Variants in LRP2 observed in about 807,000 individuals in gnomAD.
LRP2 encodes the protein LDL receptor related protein 2.
LRP2 carries 172 observed loss-of-function variants against 531.0 expected under a neutral mutation model. The ratio of observed to expected loss-of-function variants is 0.32; its 90% CI spans 0.29 to 0.37. The LOEUF is 0.37. Among genes scored for constraint, LRP2 ranks in the 10% least tolerant of loss-of-function variants. LRP2 has a pLI of 1.00. For synonymous variants in LRP2, 1,992 were observed against 2,027.6 expected (o/e 0.98, Z 0.47); for missense variants, 5,167 against 5,868.3 (o/e 0.88, Z 3.90).
Position 169,206,751 on chromosome 2 carries a change from T to C in LRP2, c.6969A>G (p.Leu2323=). 6.2e-7 allele frequency: 1 copy of C among 1,614,184 alleles called. No individual in the cohort carries two copies. The highest frequency in any genetic ancestry group is 8.5e-7 in the Non-Finnish European group (1 of 1,180,016). ...PTVIRDNINW[L]RDVTIFDKQV... is the part of the protein sequence containing the mutation. Reference sequence around the variant, plus strand: ...GCTTGTCAAAGATGGTCACATCTCTTAGCCAGTTGATATTGTCTCTTATCA... The same window carrying C: ...GCTTGTCAAAGATGGTCACATCTCTCAGCCAGTTGATATTGTCTCTTATCA... Residue 2323 remains leucine (L), a synonymous_variant, in exon 39 of 79, where the codon CTA becomes CTG. Transcript: ENST00000649046.
At chr2:169,197,523 G>A (rs1688045763) in intron 45 of LRP2, among the ~76,000 whole-genome samples, 1 of 152,338 alleles carries the variant, frequency 6.6e-6, no homozygotes, top group East Asian at 1.9e-4. Context: ...CAGACTTTTA[G>A]TTGAGTAAGT....
At chr2:169,310,810 G>C (rs55953106) in intron 3 of LRP2, among the ~76,000 whole-genome samples, 1 of 151,978 alleles carries the variant, frequency 6.6e-6, no homozygotes, top group African/African-American at 2.4e-5. Flanking sequence ...GGTAGAATTC[G>C]GCTGTGAATC....
intron 58 of LRP2, 91 bp from the exon 59 acceptor site, chr2:169,170,758 AGCAC>A: frequency 1.1e-6 from 1 of 890,890 alleles, no homozygotes; most frequent in Non-Finnish European, 1.9e-6. Context: ...CTGGGTGCCC[AGCAC>A]CCTCCTGTGT....
In LRP2 at chr2:169,235,844, T is replaced by C; in HGVS notation, c.4916A>G (p.Asp1639Gly). The change falls in exon 29 of 79, where the codon GAT becomes GGT. Residue 1639 changes from aspartate to glycine, a missense_variant. By Grantham distance (94) the Asp-to-Gly change is moderately conservative. Around this residue, in one of 6 missense-constraint regions of LRP2, gnomAD observed 2,811 missense variants for 3,058.0 expected, o/e 0.92. Coordinates refer to ENST00000649046, the MANE Select transcript of LRP2 (RefSeq NM_004525.3). ...GHHRRQVIAS[D>G]LIIRHPYALT... ...TTTTCCTCACCACCAACTTACCAAA[T>C]CACTGGCTATCACCTGTCTCCGATG... 1 of 1,613,456 alleles carries C rather than the reference T, an allele frequency of 6.2e-7. No homozygotes were observed. The highest frequency in any genetic ancestry group is 8.5e-7 in the Non-Finnish European group (1 of 1,179,404).
rs983302620 is a variant in LRP2 at position 169,273,051 on chromosome 2, T to A, written c.1992A>T (p.Lys664Asn). 6.2e-7 allele frequency: 1 copy of A among 1,613,624 alleles called. No homozygotes were observed. Among genetic ancestry groups the A allele is most frequent in the Middle Eastern group, 1.7e-4 (1 of 6,052 alleles). ...LRQPYATNPCKDNNGGCEQVC... is the reference protein window; with the variant it reads ...LRQPYATNPCNDNNGGCEQVC... Reference sequence around the variant, plus strand: ...CCTGCTCACAGCCCCCATTGTTATCTTTACACGGATTGGTAGCTGGAAGGA... The same window carrying A: ...CCTGCTCACAGCCCCCATTGTTATCATTACACGGATTGGTAGCTGGAAGGA... Residue 664 changes from lysine (K) to asparagine (N), a missense_variant, in exon 15 of 79, where the codon AAA becomes AAT. Physicochemically the swap from Lys to Asn is moderately conservative, Grantham distance 94 (BLOSUM62 0). Around this residue, in one of 6 missense-constraint regions of LRP2, gnomAD observed 2,811 missense variants for 3,058.0 expected, o/e 0.92. Coordinates refer to ENST00000649046, the MANE Select transcript of LRP2 (RefSeq NM_004525.3).
At chr2:169,302,674 G>A (rs1684314546) in intron 4 of LRP2, among the ~76,000 whole-genome samples, 1 of 151,926 alleles carries the variant, frequency 6.6e-6, no homozygotes, top group African/African-American at 2.4e-5. Flanking sequence ...CAGAGAATGT[G>A]TTAAAGGACA....
intron 33 of LRP2, among the ~76,000 whole-genome samples, chr2:169,222,182 C>T (rs1689043045): frequency 1.3e-5 from 2 of 152,144 alleles, no homozygotes; most frequent in African/African-American, 2.4e-5. Flanking sequence ...ACCAGTTAAA[C>T]CATTAAAAGG....
In LRP2 at chr2:169,216,392, A is replaced by G. The variant is rs764521560; in HGVS notation, c.5687T>C (p.Val1896Ala). The stretch of plus-strand genomic sequence containing the variant: ...GTTAGCACTGGCGATCTTGGCAGGA[A>G]CCCCACTGTCAGTTCCTTGGTCTGA... ...YWSDQGTDSG[V>A]PAKIASANMD... The change falls in exon 35 of 79, where the codon GTT (valine) becomes GCT (alanine). Residue 1896 changes from valine (V) to alanine (A), a missense_variant. By Grantham distance (64) the Val-to-Ala change is moderately conservative (BLOSUM62 0). Transcript: ENST00000649046. 3.7e-6 allele frequency: 6 copies of G among 1,613,460 alleles called. No homozygotes were observed. The highest frequency in any genetic ancestry group is 5.1e-6 in the Non-Finnish European group (6 of 1,179,662).
At position 169,182,097 on chromosome 2, in the gene LRP2, A is replaced by T. The variant is rs543485820; in HGVS notation, c.9998+70T>A. The T allele has an allele frequency of 6.3e-5, 100 of 1,593,794 alleles. No homozygotes were observed. The African/African-American group carries it at 1.2e-3, about 20-fold the overall frequency. On this transcript the variant is annotated intron_variant, in intron 51 of 78. Transcript: ENST00000649046. Reference sequence around the variant, plus strand: ...CATTGGCCTTGAGATAGTTACATGAACAGCCTTCTCGGTAACAGAGGCAGA... The same window carrying T: ...CATTGGCCTTGAGATAGTTACATGATCAGCCTTCTCGGTAACAGAGGCAGA...
At chr2:169,294,069 G>A (rs1001773904) in intron 6 of LRP2, 79 bp downstream of exon 6, 60 of 939,776 alleles carry the variant, frequency 6.4e-5, no homozygotes, top group Middle Eastern at 2.1e-4. Flanking sequence ...GTGGGGGAGC[G>A]GGGGGATAAA....
chr2:169,152,927 C>A lies in LRP2; in HGVS notation c.12333G>T (p.Arg4111Ser). The change falls in exon 67 of 79, where the codon AGG becomes AGT. Residue 4111 changes from arginine to serine, a missense_variant. Arg to Ser is a moderately radical substitution (Grantham distance 110). Coordinates refer to ENST00000649046, the MANE Select transcript of LRP2 (RefSeq NM_004525.3). ...VYYTVRGEGS[R>S]FGAIKRAYIP... ...TGTAGGCACGTTTGATAGCACCAAA[C>A]CTAGAGCCCTCCCCTCGCACAGTGT... The A allele has an allele frequency of 6.2e-7, 1 of 1,614,040 alleles. No homozygotes were observed. Among genetic ancestry groups the A allele is most frequent in the Non-Finnish European group, 8.5e-7 (1 of 1,179,940 alleles).
chr2:169,354,499 G>A (rs1322934731), intron 1 of LRP2, among the ~76,000 whole-genome samples: 1 of 152,148 alleles, frequency 6.6e-6, no homozygotes, highest in Non-Finnish European at 1.5e-5. Context: ...CTTGAGGTCA[G>A]GCATGACCTG....
intron 61 of LRP2, among the ~76,000 whole-genome samples, chr2:169,166,346 C>T (rs1231300577): frequency 2.0e-5 from 3 of 152,192 alleles, no homozygotes; most frequent in East Asian, 3.8e-4. Context: ...TATGAAACAT[C>T]TACTGGGGTG....
At chr2:169,225,180 A>G in intron 33 of LRP2, 130 bp downstream of exon 33, 5 of 895,830 alleles carry the variant, frequency 5.6e-6, no homozygotes, top group South Asian at 4.5e-5. Flanking sequence ...GATAGTTAAC[A>G]CTAATATCTT....
chr2:169,334,312 CAAAT>C (rs1490592151), intron 1 of LRP2, among the ~76,000 whole-genome samples: 4 of 152,076 alleles, frequency 2.6e-5, no homozygotes, highest in African/African-American at 7.2e-5. Context: ...AACTGACACA[CAAAT>C]AATTAAAGCC....
intron 16 of LRP2, among the ~76,000 whole-genome samples, chr2:169,259,575 G>C (rs941704389): frequency 4.6e-5 from 7 of 151,906 alleles, no homozygotes; most frequent in Middle Eastern, 3.4e-3. Flanking sequence ...CTACCACCCG[G>C]AGACGGCTCT....
chr2:169,212,926 A>G (rs899115912), intron 36 of LRP2, among the ~76,000 whole-genome samples: 2 of 151,990 alleles, frequency 1.3e-5, no homozygotes, highest in African/African-American at 4.8e-5. Context: ...GGAAAAATAA[A>G]AAAAAAAGAA....
At chr2:169,291,367 T>G (rs1359470367) in intron 7 of LRP2, among the ~76,000 whole-genome samples, 1 of 152,248 alleles carries the variant, frequency 6.6e-6, no homozygotes, top group Non-Finnish European at 1.5e-5. Flanking sequence ...TTACTTGAAT[T>G]TGTGGTTGGG....
chr2:169,315,627 C>T (rs942752939), intron 3 of LRP2, among the ~76,000 whole-genome samples: 1 of 152,170 alleles, frequency 6.6e-6, no homozygotes, highest in Non-Finnish European at 1.5e-5. Flanking sequence ...AAAATAAGCA[C>T]TAGTCACATC....
Sources: allele counts gnomAD v4.1 joint callset (sites outside exome capture counted in the v4.1 genomes callset), GRCh38; gene constraint gnomAD v4.1.1; regional missense constraint gnomAD v4.1.1; transcripts MANE v1.5; gene names NCBI Gene and HGNC (gene_info 2026-07-23, HGNC 2026-07-21).